Variants in SFI1 observed in about 807,000 individuals in gnomAD.
SFI1 encodes the protein SFI1 centrin binding protein.
Under a neutral mutation model 207.5 loss-of-function variants are expected in SFI1, and 195 were observed. The ratio of observed to expected loss-of-function variants is 0.94; its 90% CI spans 0.84 to 1.06. The LOEUF (loss-of-function observed/expected upper bound fraction) is 1.06, where lower values mean the gene tolerates loss of function less well. Among genes scored for constraint, SFI1 ranks in the 50% least tolerant of loss-of-function variants. The pLI, the probability that SFI1 is intolerant of heterozygous loss-of-function variation, is 0.00. For synonymous variants in SFI1, 630 were observed against 598.9 expected (o/e 1.05, Z -0.76); for missense variants, 1,634 against 1,588.0 (o/e 1.03, Z -0.49).
At chr22:31,553,248 C>T (rs2060790298) in intron 6 of SFI1, among the ~76,000 whole-genome samples, 2 of 152,078 alleles carry the variant, frequency 1.3e-5, no homozygotes, top group African/African-American at 4.8e-5. Flanking sequence ...TTTTCCTGTG[C>T]TTATTTGCTA....
chr22:31,556,923 A>G lies in SFI1; in HGVS notation c.545-19A>G, dbSNP rs1404483079. On this transcript the variant is annotated intron_variant, in intron 6 of 32. Transcript: ENST00000400288. ...CATCTCTCCCCATGCCTTTTGAAAA[A>G]TCTCTTTGGTGAATCTAGATGCAAA... 3 of 1,555,672 alleles carry G rather than the reference A, an allele frequency of 1.9e-6. No homozygotes were observed. Among genetic ancestry groups the G allele is most frequent in the Non-Finnish European group, 1.8e-6 (2 of 1,139,368 alleles).
chr22:31,502,094 T>C (rs1235310925), intron 1 of SFI1, among the ~76,000 whole-genome samples: 1 of 152,234 alleles, frequency 6.6e-6, no homozygotes, highest in East Asian at 1.9e-4. Context: ...TTATCTTACT[T>C]GTTCTTATGA....
intron 21 of SFI1, chr22:31,607,665 A>G (rs8139274): frequency 0.054 from 9,865 of 182,844 alleles, 258 homozygotes; most frequent in Non-Finnish European, 0.063. Context: ...ACCCATGTAT[A>G]TAATGACTTC....
intron 15 of SFI1, among the ~76,000 whole-genome samples, chr22:31,601,934 A>G (rs1468438813): frequency 6.8e-6 from 1 of 146,256 alleles, no homozygotes; most frequent in East Asian, 1.9e-4. Context: ...TTGGTACTAC[A>G]GGCACACACC....
In SFI1 at chr22:31,508,284, C is replaced by G. The variant is rs1448430394; in HGVS notation, c.-1C>G. Reference sequence around the variant, plus strand: ...AAGGGGAAGATAAAAGACTTTGATTCATGAAGAATCTGCTCACTGAGAAGT... The same window carrying G: ...AAGGGGAAGATAAAAGACTTTGATTGATGAAGAATCTGCTCACTGAGAAGT... On this transcript the variant is annotated 5_prime_UTR_variant, in exon 2 of 33. Coordinates refer to ENST00000400288, the MANE Select transcript of SFI1 (RefSeq NM_001007467.3). 3.7e-6 allele frequency: 6 copies of G among 1,604,382 alleles called. No individual in the cohort carries two copies. The highest frequency in any genetic ancestry group is 5.1e-6 in the Non-Finnish European group (6 of 1,171,886).
At position 31,528,752 on chromosome 22, in the gene SFI1, C is replaced by A; in HGVS notation, c.155C>A (p.Ser52Tyr). 6.2e-7 allele frequency: 1 copy of A among 1,614,204 alleles called. No homozygotes were observed. Among genetic ancestry groups the A allele is most frequent in the Non-Finnish European group, 8.5e-7 (1 of 1,180,024 alleles). The change falls in exon 3 of 33, where the codon TCT (serine) becomes TAT (tyrosine). Residue 52 changes from serine to tyrosine, a missense_variant. Physicochemically the swap from Ser to Tyr is moderately radical, Grantham distance 144. Transcript: ENST00000400288. ...GCAAAGACACTGTCCAACAAGAAGT[C>A]TTCTGCATCCTTTGGGATCCGGAGG... ...YSAKTLSNKK[S>Y]SASFGIRREL... is the part of the protein sequence containing the mutation.
chr22:31,583,207 G>A (rs1048528510), intron 12 of SFI1, among the ~76,000 whole-genome samples: 12 of 152,268 alleles, frequency 7.9e-5, no homozygotes, highest in Middle Eastern at 3.4e-3. Flanking sequence ...TCCACCTCCC[G>A]GGTTTAAGCG....
At chr22:31,604,178 A>C in intron 18 of SFI1, 131 bp from the exon 19 acceptor site, 1 of 691,886 alleles carries the variant, frequency 1.4e-6, no homozygotes. Context: ...CCTAAGAAGC[A>C]CGTATTTATA....
chr22:31,511,464 G>GTTTTTT lies in SFI1; in HGVS notation c.92+3105_92+3110dup, dbSNP rs758898165. ...GGCCTCTAACTCTGGCATAGTTTCT[G>GTTTTTT]TTTTTTTTTTTTTTTTTTTTTTGAG... On this transcript the variant is annotated intron_variant, in intron 2 of 32. Coordinates refer to ENST00000400288, the MANE Select transcript of SFI1 (RefSeq NM_001007467.3). 7.5e-3 allele frequency among the ~76,000 whole-genome samples: 853 copies of GTTTTTT among 114,442 alleles called. 20 individuals are homozygous for GTTTTTT. The highest frequency in any genetic ancestry group is 0.013 in the East Asian group (40 of 3,104). 75.1% of individuals were successfully genotyped at this position (114,442 alleles called of 152,430 possible).
intron 8 of SFI1, among the ~76,000 whole-genome samples, chr22:31,565,210 A>G (rs887038922): frequency 9.2e-5 from 14 of 152,068 alleles, no homozygotes; most frequent in African/African-American, 3.4e-4. Context: ...CTCCTTAGAG[A>G]TAGCCACTCT....
At chr22:31,580,178 C>A in intron 11 of SFI1, 94 bp from the exon 12 acceptor site, 1 of 877,540 alleles carries the variant, frequency 1.1e-6, no homozygotes, top group Non-Finnish European at 1.8e-6. Flanking sequence ...CTTCTCCCCG[C>A]TGATTTGAGG....
chr22:31,588,829 A>C (rs1414761660), intron 14 of SFI1, among the ~76,000 whole-genome samples: 1 of 151,888 alleles, frequency 6.6e-6, no homozygotes, highest in African/African-American at 2.4e-5. Context: ...AAAAAACAAA[A>C]AACAACAAAA....
At chr22:31,556,905 C>T (rs781570990) in intron 6 of SFI1, 37 bp from the exon 7 acceptor site, 12 of 1,431,826 alleles carry the variant, frequency 8.4e-6, no homozygotes, top group Non-Finnish European at 9.7e-6. Context: ...ATCCATCTCT[C>T]CCCATGCCTT....
chr22:31,602,822 A>C (rs62237819), intron 17 of SFI1, 37 bp downstream of exon 17: 96,059 of 1,599,520 alleles, frequency 0.06, 2,993 homozygotes, highest in African/African-American at 0.067. Context: ...CCTTTCCATC[A>C]CAGGCCAGCT....
At chr22:31,584,763 C>T (rs889789483) in intron 13 of SFI1, among the ~76,000 whole-genome samples, 1 of 152,064 alleles carries the variant, frequency 6.6e-6, no homozygotes, top group Non-Finnish European at 1.5e-5. Flanking sequence ...GCCATGAAAC[C>T]AGAAAGTTCA....
In SFI1 at chr22:31,504,453, T is replaced by C. The variant is rs145423585; in HGVS notation, c.-30-3802T>C. Reference sequence around the variant, plus strand: ...ACCTTGATTATAAGGGTGACTTCATTCTTTTAGAATGAAACAACTTGTAAA... The same window carrying C: ...ACCTTGATTATAAGGGTGACTTCATCCTTTTAGAATGAAACAACTTGTAAA... On this transcript the variant is annotated intron_variant, in intron 1 of 32. Coordinates refer to ENST00000400288, the MANE Select transcript of SFI1 (RefSeq NM_001007467.3). 3.1e-3 allele frequency among the ~76,000 whole-genome samples: 473 copies of C among 152,296 alleles called. 6 individuals carry two copies. The highest frequency in any genetic ancestry group is 5.3e-3 in the Non-Finnish European group (360 of 68,028).
At position 31,585,187 on chromosome 22, in the gene SFI1, T is replaced by C. The variant is rs867006613; in HGVS notation, c.1413+53T>C. The stretch of plus-strand genomic sequence containing the variant: ...CTACTGGCTTACATTCTTGGACCCA[T>C]TTGCTTTGGAAAGATTCTTGGAAAA... On this transcript the variant is annotated intron_variant, in intron 14 of 32. Coordinates refer to ENST00000400288, the MANE Select transcript of SFI1 (RefSeq NM_001007467.3). The C allele has an allele frequency of 1.5e-5, 23 of 1,487,324 alleles. No homozygotes were observed. In the Middle Eastern group the frequency reaches 2.9e-3, roughly 188 times the overall value. 92.1% of individuals were successfully genotyped at this position (1,487,324 alleles called of 1,614,324 possible).
chr22:31,605,808 A>G (rs977766340), intron 20 of SFI1: 8 of 153,856 alleles, frequency 5.2e-5, no homozygotes, highest in African/African-American at 1.9e-4. Flanking sequence ...TGATTATGCC[A>G]CTGCACTCCA....
chr22:31,594,559 A>G lies in SFI1; in HGVS notation c.1544+4982A>G, dbSNP rs1280832928. 7.3e-5 allele frequency among the ~76,000 whole-genome samples: 9 copies of G among 122,838 alleles called. No homozygotes were observed. The South Asian group carries it at 9.1e-4, about 12-fold the overall frequency. 80.6% of individuals were successfully genotyped at this position (122,838 alleles called of 152,430 possible). On this transcript the variant is annotated intron_variant, in intron 15 of 32. Coordinates refer to ENST00000400288, the MANE Select transcript of SFI1 (RefSeq NM_001007467.3). ...CGAGACGCCGTCTCAAAAAAAAAAAAAAAGAAAAGAAAAAGGCCGGGCCTG... is the reference window on the plus strand; with the variant it reads ...CGAGACGCCGTCTCAAAAAAAAAAAGAAAGAAAAGAAAAAGGCCGGGCCTG...
Sources: gnomAD v4.1 joint callset for allele counts (sites outside exome capture counted in the v4.1 genomes callset) on GRCh38, gnomAD v4.1.1 for gene constraint, MANE v1.5 for transcripts, NCBI Gene and HGNC (gene_info 2026-07-23, HGNC 2026-07-21) for gene names.